CREBRF: variants seen among roughly 807,000 people sequenced by gnomAD.
The protein encoded by CREBRF is UPF0474 protein C5orf41.
In CREBRF, 5 loss-of-function variants were observed where a neutral mutation model predicts 66.1. That is an observed-to-expected ratio of 0.08 (90% CI 0.04 to 0.16). CREBRF has a LOEUF of 0.16. Ranked by LOEUF, CREBRF falls within the 10% of genes least tolerant of loss-of-function variation. The pLI is 1.00. For synonymous variants in CREBRF, 229 were observed against 264.4 expected (o/e 0.87, Z 1.30); for missense variants, 531 against 744.9 (o/e 0.71, Z 3.34).
chr5:173,109,705 T>C (rs1461529271), intron 5 of CREBRF: 1 of 152,286 alleles, frequency 6.6e-6, no homozygotes, highest in Non-Finnish European at 1.5e-5. Flanking sequence ...TATTCACTCA[T>C]CGTACGAATG....
chr5:173,128,273 A>G (rs986325073), intron 8 of CREBRF, among the ~76,000 whole-genome samples: 1 of 152,072 alleles, frequency 6.6e-6, no homozygotes, highest in African/African-American at 2.4e-5. Context: ...GCAGGTAGGG[A>G]TTATTGTTTT....
chr5:173,082,180 A>AT (rs1757975211), intron 2 of CREBRF, among the ~76,000 whole-genome samples: 1 of 151,338 alleles, frequency 6.6e-6, no homozygotes, highest in Non-Finnish European at 1.5e-5. Flanking sequence ...CGCCTGGCTA[A>AT]TTTTTTGTAT....
chr5:173,098,503 A>G (rs907466606), intron 4 of CREBRF, among the ~76,000 whole-genome samples: 3 of 152,012 alleles, frequency 2.0e-5, no homozygotes, highest in Admixed American at 2.0e-4. Flanking sequence ...GTTAAGTAAG[A>G]CTTGTTTTGT....
intron 1 of CREBRF, among the ~76,000 whole-genome samples, chr5:173,075,320 A>G (rs941442570): frequency 8.5e-5 from 13 of 152,200 alleles, no homozygotes; most frequent in African/African-American, 3.1e-4. Context: ...CAGGTTTCAT[A>G]TTACATAATA....
intron 1 of CREBRF, among the ~76,000 whole-genome samples, chr5:173,078,583 G>A (rs1757841014): frequency 6.7e-6 from 1 of 150,228 alleles, no homozygotes; most frequent in Admixed American, 6.6e-5. Flanking sequence ...TTTTGAGACG[G>A]GGTCTTGCTC....
chr5:173,081,713 A>G (rs1008557587), intron 2 of CREBRF, among the ~76,000 whole-genome samples: 20 of 152,132 alleles, frequency 1.3e-4, no homozygotes, highest in Non-Finnish European at 8.8e-5. Flanking sequence ...ACAGGTCAGG[A>G]GATCAAGACC....
intron 1 of CREBRF, among the ~76,000 whole-genome samples, chr5:173,063,401 G>A (rs563621409): frequency 8.6e-5 from 13 of 151,978 alleles, no homozygotes; most frequent in Non-Finnish European, 1.2e-4. Flanking sequence ...AGAGTCTCAC[G>A]CTGTTGCCCA....
intron 1 of CREBRF, among the ~76,000 whole-genome samples, chr5:173,063,648 C>T (rs912515836): frequency 5.3e-5 from 8 of 151,608 alleles, no homozygotes; most frequent in East Asian, 1.9e-4. Context: ...GGATTACAGG[C>T]GTGAGCCACC....
intron 2 of CREBRF, among the ~76,000 whole-genome samples, chr5:173,084,702 C>T (rs540339534): frequency 6.6e-6 from 1 of 152,144 alleles, no homozygotes; most frequent in Non-Finnish European, 1.5e-5. Flanking sequence ...AGTGCAGTGG[C>T]ACGATCTCGG....
At chr5:173,094,933 A>T (rs780115032) in intron 4 of CREBRF, among the ~76,000 whole-genome samples, 1 of 152,066 alleles carries the variant, frequency 6.6e-6, no homozygotes, top group Non-Finnish European at 1.5e-5. Flanking sequence ...TTAAGTCTTT[A>T]ATCCATTTCG....
chr5:173,096,412 T>TTTCCC (rs1172700121), intron 4 of CREBRF, among the ~76,000 whole-genome samples: 152 of 147,116 alleles, frequency 1.0e-3, no homozygotes, highest in South Asian at 5.6e-3. Flanking sequence ...TCTCTTTCCT[T>TTTCCC]TTCCCTTCCC....
At chr5:173,100,735 G>GT (rs1257694099) in intron 4 of CREBRF, among the ~76,000 whole-genome samples, 1 of 152,204 alleles carries the variant, frequency 6.6e-6, no homozygotes, top group Non-Finnish European at 1.5e-5. Context: ...CAACCCATAT[G>GT]TTTTCATGCT....
At chr5:173,126,765 C>T (rs915097808) in intron 8 of CREBRF, among the ~76,000 whole-genome samples, 2 of 152,160 alleles carry the variant, frequency 1.3e-5, no homozygotes, top group South Asian at 2.1e-4. Context: ...TGTCTTAAAG[C>T]TTTTGGTAGT....
intron 4 of CREBRF, among the ~76,000 whole-genome samples, chr5:173,093,828 T>C (rs1758409240): frequency 6.6e-6 from 1 of 152,194 alleles, no homozygotes; most frequent in Non-Finnish European, 1.5e-5. Flanking sequence ...AGTATTGTTA[T>C]CTGTAGTCAC....
At chr5:173,114,159 TATGAA>T (rs2113778842) in intron 7 of CREBRF, among the ~76,000 whole-genome samples, 1 of 152,374 alleles carries the variant, frequency 6.6e-6, no homozygotes, top group African/African-American at 2.4e-5. Context: ...GTTTTCAACT[TATGAA>T]ATGAACTTAA....
intron 8 of CREBRF, among the ~76,000 whole-genome samples, chr5:173,131,029 T>C (rs1212542208): frequency 6.6e-6 from 1 of 152,186 alleles, no homozygotes. Context: ...ATTTTTATGT[T>C]TGTAGAGACG....
chr5:173,091,393 C>T lies in CREBRF; in HGVS notation c.1214C>T (p.Ser405Phe). 4 of 1,613,766 alleles carry T rather than the reference C, an allele frequency of 2.5e-6. No homozygotes were observed. Among genetic ancestry groups the T allele is most frequent in the Non-Finnish European group, 3.4e-6 (4 of 1,179,908 alleles). ...GATGATGATATTAGTGATACTTTCT[C>T]TGAACCAGGTATTATAATGCTTGCA... ...DKDDDISDTF[S>F]EPGYENDSVE... The change falls in exon 4 of 9, where the codon TCT becomes TTT. Residue 405 changes from serine (S) to phenylalanine (F), a missense_variant. By Grantham distance (155) the Ser-to-Phe change is radical. Coordinates refer to ENST00000296953, the MANE Select transcript of CREBRF (RefSeq NM_153607.3).
At chr5:173,071,058 C>CA (rs1469563224) in intron 1 of CREBRF, among the ~76,000 whole-genome samples, 1 of 152,088 alleles carries the variant, frequency 6.6e-6, no homozygotes, top group Admixed American at 6.5e-5. Context: ...TGAGCTAAGA[C>CA]ATGAAGGTCA....
chr5:173,095,760 A>G (rs1758462770), intron 4 of CREBRF, among the ~76,000 whole-genome samples: 1 of 150,674 alleles, frequency 6.6e-6, no homozygotes, highest in Non-Finnish European at 1.5e-5. Context: ...CCAATGTTGT[A>G]TAGTTTTCAA....
Sources: gnomAD v4.1 joint callset for allele counts (sites outside exome capture counted in the v4.1 genomes callset) on GRCh38, gnomAD v4.1.1 for gene constraint, MANE v1.5 for transcripts, NCBI Gene and HGNC (gene_info 2026-07-23, HGNC 2026-07-21) for gene names.